FAM193A: variants seen among roughly 807,000 people sequenced by gnomAD.
FAM193A encodes the protein family with sequence similarity 193 member A, also known as protein FAM193A.
Under a neutral mutation model 126.5 loss-of-function variants are expected in FAM193A, and 22 were observed. The ratio of observed to expected loss-of-function variants is 0.17; its 90% CI spans 0.12 to 0.25. The LOEUF is 0.25. Among genes scored for constraint, FAM193A ranks in the 10% least tolerant of loss-of-function variants. FAM193A has a pLI of 1.00. For synonymous variants in FAM193A, 761 were observed against 646.8 expected, an observed-to-expected ratio of 1.18 and a Z score of -2.68; for missense variants, 1,675 against 1,672.8, an observed-to-expected ratio of 1.00 and a Z score of -0.02.
At chr4:2,568,973 C>CTTTTTTTTTTTTTTTTTTTTTTTCTT (rs753557878) in intron 1 of FAM193A, among the ~76,000 whole-genome samples, 1 of 90,722 alleles carries the variant, frequency 1.1e-5, no homozygotes, top group Non-Finnish European at 1.9e-5. Context: ...TGTTGTTTTG[C>CTTTTTTTTTTTTTTTTTTTTTTTCTT]TTTTTTTTTT....
At chr4:2,716,386 C>T (rs1052632654) in intron 20 of FAM193A, among the ~76,000 whole-genome samples, 4 of 148,024 alleles carry the variant, frequency 2.7e-5, no homozygotes, top group African/African-American at 4.9e-5. Flanking sequence ...CTGGCTGTTG[C>T]GCTTCTGAGG....
chr4:2,731,848 G>A lies in FAM193A; in HGVS notation c.4528G>A (p.Ala1510Thr), dbSNP rs775645976. ...CTGGTCCAATTTTAGCTTGAAAAAA[G>A]CCACCTTTGCTGCCCACTGAATGAG... ...INWSNFSLKK[A>T]TFAAH The change falls in exon 21 of 21, where the codon GCC becomes ACC. Residue 1510 changes from alanine to threonine, a missense_variant. Ala to Thr is a moderately conservative substitution (Grantham distance 58). Coordinates refer to ENST00000637812, the MANE Select transcript of FAM193A (RefSeq NM_001366318.2). 1.9e-6 allele frequency: 3 copies of A among 1,613,770 alleles called. No individual in the cohort carries two copies. In the East Asian group the frequency reaches 6.7e-5, roughly 36 times the overall value.
intron 1 of FAM193A, among the ~76,000 whole-genome samples, chr4:2,548,082 T>A (rs1051500052): frequency 6.6e-6 from 1 of 151,472 alleles, no homozygotes. Context: ...TTTTTTTTTT[T>A]TTTTTTTGAG....
At chr4:2,623,699 C>T (rs1032390297) in intron 2 of FAM193A, among the ~76,000 whole-genome samples, 2 of 152,188 alleles carry the variant, frequency 1.3e-5, no homozygotes, top group African/African-American at 2.4e-5. Context: ...CTCCTTGCCA[C>T]AGGCCACCAC....
At chr4:2,612,057 C>T (rs1741909188) in intron 2 of FAM193A, among the ~76,000 whole-genome samples, 3 of 151,120 alleles carry the variant, frequency 2.0e-5, no homozygotes, top group South Asian at 4.2e-4. Context: ...AGGATGGTCT[C>T]GTTCTCCTGA....
At position 2,663,265 on chromosome 4, in the gene FAM193A, C is replaced by T. The variant is rs770819781; in HGVS notation, c.2056C>T (p.Pro686Ser). The T allele has an allele frequency of 1.2e-6, 2 of 1,600,346 alleles. No individual in the cohort carries two copies. Among genetic ancestry groups the T allele is most frequent in the South Asian group, 1.1e-5 (1 of 88,704 alleles). ...RTEESKADSP[P>S]PSYPTQQAEQ... ...AGAGGAGAGCAAAGCAGACAGTCCACCCCCATCCTACCCAACACAGCAGGT... is the reference window on the plus strand; with the variant it reads ...AGAGGAGAGCAAAGCAGACAGTCCATCCCCATCCTACCCAACACAGCAGGT... Residue 686 changes from proline (P) to serine (S), a missense_variant, in exon 12 of 21, where the codon CCC becomes TCC. Pro to Ser is a moderately conservative substitution (Grantham distance 74). Transcript: ENST00000637812.
intron 2 of FAM193A, among the ~76,000 whole-genome samples, chr4:2,622,806 G>A (rs933333613): frequency 6.6e-6 from 1 of 151,926 alleles, no homozygotes; most frequent in African/African-American, 2.4e-5. Flanking sequence ...CGAAGACTCC[G>A]ACCTCATGAC....
At chr4:2,615,998 A>G (rs1742160214) in intron 2 of FAM193A, among the ~76,000 whole-genome samples, 1 of 151,964 alleles carries the variant, frequency 6.6e-6, no homozygotes, top group Admixed American at 6.6e-5. Flanking sequence ...TTTAGTAGAG[A>G]CAGTGTTGCC....
chr4:2,576,160 G>T (rs879422841), intron 1 of FAM193A, among the ~76,000 whole-genome samples: 1 of 151,990 alleles, frequency 6.6e-6, no homozygotes, highest in Non-Finnish European at 1.5e-5. Context: ...GCAGTGGCAC[G>T]ATCTCGGCTC....
intron 2 of FAM193A, among the ~76,000 whole-genome samples, chr4:2,615,840 C>T (rs1305854493): frequency 6.6e-6 from 1 of 151,640 alleles, no homozygotes; most frequent in Non-Finnish European, 1.5e-5. Flanking sequence ...TAGACAGAGT[C>T]TCAGTCTGTG....
intron 1 of FAM193A, among the ~76,000 whole-genome samples, chr4:2,591,038 AAG>A (rs1491456745): frequency 2.6e-5 from 4 of 151,762 alleles, no homozygotes; most frequent in Non-Finnish European, 4.4e-5. Context: ...AAAAAAAAAA[AAG>A]AGTGTAGAAG....
chr4:2,722,162 G>A (rs980745394), intron 20 of FAM193A, among the ~76,000 whole-genome samples: 1 of 152,188 alleles, frequency 6.6e-6, no homozygotes, highest in Non-Finnish European at 1.5e-5. Flanking sequence ...TTGTGACCTG[G>A]GGGTGCTGTG....
intron 20 of FAM193A, among the ~76,000 whole-genome samples, chr4:2,724,071 GTATTT>G (rs1374217862): frequency 2.6e-5 from 4 of 151,070 alleles, no homozygotes; most frequent in African/African-American, 7.3e-5. Flanking sequence ...AATTGACAAA[GTATTT>G]TATTATCTCT....
chr4:2,571,854 T>C (rs946063723), intron 1 of FAM193A, among the ~76,000 whole-genome samples: 8 of 151,364 alleles, frequency 5.3e-5, no homozygotes, highest in Admixed American at 1.3e-4. Context: ...CCAGAACTTT[T>C]TGTTTACTAC....
At chr4:2,660,185 T>C in intron 10 of FAM193A, 131 bp downstream of exon 10, 1 of 922,282 alleles carries the variant, frequency 1.1e-6, no homozygotes, top group Non-Finnish European at 1.6e-6. Context: ...CTGAGGTTTT[T>C]AATGCAGCTT....
intron 2 of FAM193A, among the ~76,000 whole-genome samples, chr4:2,597,452 A>G (rs1577055788): frequency 1.3e-5 from 2 of 151,938 alleles, no homozygotes; most frequent in South Asian, 2.1e-4. Flanking sequence ...CTGCTCTTGT[A>G]TTTTAGCCTG....
chr4:2,573,310 C>T (rs754177611), intron 1 of FAM193A, among the ~76,000 whole-genome samples: 1 of 152,048 alleles, frequency 6.6e-6, no homozygotes, highest in East Asian at 1.9e-4. Context: ...GTCAGGAGTT[C>T]GAGACCAGCC....
At chr4:2,574,967 A>G (rs760460079) in intron 1 of FAM193A, among the ~76,000 whole-genome samples, 10 of 152,202 alleles carry the variant, frequency 6.6e-5, no homozygotes, top group Admixed American at 1.3e-4. Flanking sequence ...GAGGCCTGCC[A>G]TCCCTCCCCT....
At chr4:2,700,999 C>T (rs940912950) in intron 19 of FAM193A, among the ~76,000 whole-genome samples, 1 of 151,922 alleles carries the variant, frequency 6.6e-6, no homozygotes, top group Non-Finnish European at 1.5e-5. Context: ...ATTTCTACCC[C>T]CTCCAGTTCC....
Sources: gnomAD v4.1 joint callset for allele counts (sites outside exome capture counted in the v4.1 genomes callset) on GRCh38, gnomAD v4.1.1 for gene constraint, MANE v1.5 for transcripts, NCBI Gene and HGNC (gene_info 2026-07-23, HGNC 2026-07-21) for gene names.